ROCK2: variants seen among roughly 807,000 people sequenced by gnomAD.
The protein encoded by ROCK2 is rho-associated protein kinase 2.
A neutral mutation model predicts 195.1 loss-of-function variants in ROCK2; 61 were observed. That is an observed-to-expected ratio of 0.31 (90% confidence interval 0.25 to 0.39). ROCK2 has a LOEUF of 0.39. Ranked by LOEUF, ROCK2 falls within the 10% of genes least tolerant of loss-of-function variation. The pLI, the probability that ROCK2 is intolerant of heterozygous loss-of-function variation, is 1.00. For synonymous variants in ROCK2, 504 were observed against 545.5 expected, an observed-to-expected ratio of 0.92 and a Z score of 1.06; for missense variants, 1,109 against 1,637.4, an observed-to-expected ratio of 0.68 and a Z score of 5.57.
intron 3 of ROCK2, among the ~76,000 whole-genome samples, chr2:11,250,677 T>C (rs546314679): frequency 3.3e-5 from 5 of 152,238 alleles, no homozygotes; most frequent in Non-Finnish European, 7.3e-5. Context: ...AAAAAACCTC[T>C]GGCACCTCTT....
At chr2:11,274,564 C>CA (rs1666760234) in intron 3 of ROCK2, among the ~76,000 whole-genome samples, 1 of 152,118 alleles carries the variant, frequency 6.6e-6, no homozygotes, top group Admixed American at 6.6e-5. Flanking sequence ...CTAACTCACA[C>CA]AAAAAACCAG....
chr2:11,341,702 T>C (rs769397543), intron 1 of ROCK2, among the ~76,000 whole-genome samples: 1 of 152,206 alleles, frequency 6.6e-6, no homozygotes. Flanking sequence ...AAATATGTAT[T>C]TCCCATGGCA....
chr2:11,266,446 G>A (rs981546162), intron 3 of ROCK2, among the ~76,000 whole-genome samples: 6 of 152,132 alleles, frequency 3.9e-5, no homozygotes, highest in East Asian at 1.9e-4. Flanking sequence ...ATAATGCTGC[G>A]CATGACTGTA....
chr2:11,251,553 T>C (rs966244000), intron 3 of ROCK2, among the ~76,000 whole-genome samples: 3 of 152,070 alleles, frequency 2.0e-5, no homozygotes, highest in African/African-American at 7.2e-5. Flanking sequence ...CCTAAAACCA[T>C]AAAAACTCTA....
intron 13 of ROCK2, 23 bp downstream of exon 13, chr2:11,216,135 A>G: frequency 1.9e-6 from 3 of 1,598,020 alleles, no homozygotes; most frequent in Non-Finnish European, 2.6e-6. Flanking sequence ...AAAAATGTTA[A>G]TAAAAAAGTG....
chr2:11,187,070 A>T (rs1438964888), intron 32 of ROCK2, among the ~76,000 whole-genome samples: 1 of 152,158 alleles, frequency 6.6e-6, no homozygotes, highest in African/African-American at 2.4e-5. Context: ...TTCTACCAGC[A>T]GTCCACAAAA....
rs1662974900 is a variant in ROCK2 at position 11,181,194 on chromosome 2, A to C, written c.*2243T>G. 1 of 135,164 alleles carries C rather than the reference A, an allele frequency of 7.4e-6. No individual in the cohort carries two copies. The highest frequency in any genetic ancestry group is 1.7e-5 in the Non-Finnish European group (1 of 58,922). The allele number at this position is 135,164 out of a possible 1,614,324, so 8.4% of individuals were successfully genotyped here. On this transcript the variant is annotated 3_prime_UTR_variant, in exon 33 of 33. Coordinates refer to ENST00000315872, the MANE Select transcript of ROCK2 (RefSeq NM_004850.5). Reference sequence around the variant, plus strand: ...AAGTTTATTAAAAATATATATATATATATATATATATATATACTCTCCAAT... The same window carrying C: ...AAGTTTATTAAAAATATATATATATCTATATATATATATATACTCTCCAAT...
chr2:11,212,342 C>T (rs992992017), intron 17 of ROCK2, among the ~76,000 whole-genome samples: 1 of 152,188 alleles, frequency 6.6e-6, no homozygotes, highest in South Asian at 2.1e-4. Flanking sequence ...CAACAGTCTA[C>T]ACCACCACTC....
chr2:11,205,251 C>T (rs1041270943), intron 20 of ROCK2, among the ~76,000 whole-genome samples: 2 of 152,164 alleles, frequency 1.3e-5, no homozygotes, highest in African/African-American at 4.8e-5. Flanking sequence ...GTATGATCAG[C>T]AGATTAGTTC....
Position 11,221,215 on chromosome 2 carries a change from G to C in ROCK2, c.1242C>G (p.Thr414=). 1 of 1,575,782 alleles carries C rather than the reference G, an allele frequency of 6.3e-7. No individual in the cohort carries two copies. Among genetic ancestry groups the C allele is most frequent in the East Asian group, 2.3e-5 (1 of 42,960 alleles). ...VGNQLPFIGF[T]YYRENLLLSD... is the part of the protein sequence containing the mutation. ...CCACATACAAATTTTCTCTATAGTA[G>C]GTAAATCCGATGAAAGGCAGCTGAT... The change falls in exon 9 of 33, where the codon ACC becomes ACG. Residue 414 remains threonine, a synonymous_variant. Transcript: ENST00000315872.
rs1182345880 is a variant in ROCK2 at position 11,201,844 on chromosome 2, T to C, written c.2619+208A>G. On this transcript the variant is annotated intron_variant, in intron 21 of 32. Transcript: ENST00000315872. This position sits in a 1 kb window ranked among gnomAD's most constrained non-coding sequence, Gnocchi z 4.6. ...TTTTATTTCTTGCATTATGAAAATA[T>C]TTTCTTCCTGAAAACAATGCTGTTA... is the stretch of plus-strand genomic sequence containing the variant. 6.6e-6 allele frequency among the ~76,000 whole-genome samples: 1 copy of C among 152,246 alleles called. No individual in the cohort carries two copies. The highest frequency in any genetic ancestry group is 1.5e-5 in the Non-Finnish European group (1 of 68,050).
chr2:11,331,601 A>G (rs1472892804), intron 1 of ROCK2, among the ~76,000 whole-genome samples: 1 of 150,510 alleles, frequency 6.6e-6, no homozygotes, highest in Non-Finnish European at 1.5e-5. Context: ...AGTCATGTGC[A>G]CGTCAGAAGC....
rs373677499 is a variant in ROCK2 at position 11,233,780 on chromosome 2, A to G, written c.723+1922T>C. Among the ~76,000 whole-genome samples, 43 of 152,340 alleles carry G rather than the reference A, an allele frequency of 2.8e-4. 1 individual carries two copies. In the East Asian group the frequency reaches 6.8e-3, roughly 24 times the overall value. On this transcript the variant is annotated intron_variant, in intron 5 of 32. Coordinates refer to ENST00000315872, the MANE Select transcript of ROCK2 (RefSeq NM_004850.5). ...ACCAGCTAAGAACATATAGTACACT[A>G]TACTAATAATCTGCAAAAACGTATG...
In ROCK2 at chr2:11,202,680, T is replaced by A. The variant is rs964233471; in HGVS notation, c.2550-559A>T. 2.6e-5 allele frequency among the ~76,000 whole-genome samples: 4 copies of A among 152,138 alleles called. No homozygotes were observed. The South Asian group carries it at 8.3e-4, about 32-fold the overall frequency. ...ACCTGGCTAATTTTTGTATTTTTAG[T>A]AGAGACGGGGTTTCACCGTGTTAGC... On this transcript the variant is annotated intron_variant, in intron 20 of 32. Transcript: ENST00000315872.
At chr2:11,324,757 C>A (rs889524626) in intron 1 of ROCK2, among the ~76,000 whole-genome samples, 5 of 152,206 alleles carry the variant, frequency 3.3e-5, no homozygotes, top group African/African-American at 1.2e-4. Context: ...GTGCCTGGCA[C>A]ATAGTAAGAG....
chr2:11,250,426 C>T (rs917489988), intron 3 of ROCK2, among the ~76,000 whole-genome samples: 23 of 152,152 alleles, frequency 1.5e-4, no homozygotes, highest in African/African-American at 5.3e-4. Flanking sequence ...TTTTTGACCA[C>T]CCTTTTAATT....
chr2:11,188,875 C>T (rs142876440), intron 32 of ROCK2, among the ~76,000 whole-genome samples: 3 of 151,730 alleles, frequency 2.0e-5, no homozygotes, highest in East Asian at 2.0e-4. Flanking sequence ...CCACCTGCCT[C>T]GGCCTCCCAA....
intron 18 of ROCK2, among the ~76,000 whole-genome samples, chr2:11,210,626 C>A (rs1051362988): frequency 1.3e-5 from 2 of 152,168 alleles, no homozygotes; most frequent in African/African-American, 4.8e-5. Flanking sequence ...CAGATGTGAG[C>A]CACCATGCCT....
rs1663677852 is a variant in ROCK2 at position 11,197,304 on chromosome 2, T to A, written c.3324A>T (p.Thr1108=). 2.5e-6 allele frequency: 4 copies of A among 1,614,036 alleles called. No individual in the cohort carries two copies. The highest frequency in any genetic ancestry group is 3.4e-6 in the Non-Finnish European group (4 of 1,179,932). ...CAATGTCACTGTCTTTACTGTCCAATGTCATCTGCAGTTCAATTCGAATCT... is the reference window on the plus strand; with the variant it reads ...CAATGTCACTGTCTTTACTGTCCAAAGTCATCTGCAGTTCAATTCGAATCT... ...ESQIRIELQM[T]LDSKDSDIEQ... The change falls in exon 27 of 33, where the codon ACA becomes ACT. Residue 1108 remains threonine, a synonymous_variant. Transcript: ENST00000315872. This position sits in a 1 kb window ranked among gnomAD's most constrained non-coding sequence, Gnocchi z 4.9.
Sources: gnomAD v4.1 joint callset for allele counts (sites outside exome capture counted in the v4.1 genomes callset) on GRCh38, gnomAD v4.1.1 for gene constraint, Gnocchi (gnomAD v3.1) non-coding constraint, MANE v1.5 for transcripts, NCBI Gene and HGNC (gene_info 2026-07-23, HGNC 2026-07-21) for gene names.